KLF13: variants seen among roughly 807,000 people sequenced by gnomAD.
KLF13 encodes the protein KLF transcription factor 13.
A neutral mutation model predicts 16.7 loss-of-function variants in KLF13; 8 were observed. That is an observed-to-expected ratio of 0.48 (90% CI 0.28 to 0.87). The LOEUF (loss-of-function observed/expected upper bound fraction) is 0.87, where lower values mean the gene tolerates loss of function less well. Among genes scored for constraint, KLF13 ranks in the 40% least tolerant of loss-of-function variants. KLF13 has a pLI of 0.10. For synonymous variants in KLF13, 245 were observed against 208.4 expected (o/e 1.18, Z -1.51); for missense variants, 447 against 452.2 (o/e 0.99, Z 0.10).
chr15:31,380,611 C>T (rs895664605), downstream of KLF13, among the ~76,000 whole-genome samples: 2 of 152,274 alleles, frequency 1.3e-5, no homozygotes, highest in East Asian at 1.9e-4. Flanking sequence ...ACAGACTAGG[C>T]GATGTGTAGC....
intron 1 of KLF13, among the ~76,000 whole-genome samples, chr15:31,425,025 T>C (rs2040384511): frequency 6.6e-6 from 1 of 151,628 alleles, no homozygotes; most frequent in Middle Eastern, 3.2e-3. Flanking sequence ...TAGGAAAACA[T>C]CCCATTTACA....
intron 1 of KLF13, among the ~76,000 whole-genome samples, chr15:31,424,999 A>T (rs1439166977): frequency 6.6e-6 from 1 of 152,084 alleles, no homozygotes; most frequent in Non-Finnish European, 1.5e-5. Context: ...AACAATGAAC[A>T]ATTTAAAAAG....
chr15:31,404,738 G>C (rs1254188656), downstream of KLF13: 1 of 152,236 alleles, frequency 6.6e-6, no homozygotes, highest in East Asian at 1.9e-4. Flanking sequence ...TCACTCTTTG[G>C]GTCCGTGCCA....
chr15:31,329,518 C>T (rs1328345236), intron 1 of KLF13, among the ~76,000 whole-genome samples: 3 of 152,098 alleles, frequency 2.0e-5, no homozygotes, highest in African/African-American at 4.8e-5. Context: ...CCGTCGTGGG[C>T]GGGGCCGGCT....
Position 31,372,936 on chromosome 15 carries a change from TG to T in KLF13, c.*639del, listed in dbSNP as rs913716505. 6 of 152,354 alleles carry T rather than the reference TG, an allele frequency of 3.9e-5. No individual in the cohort carries two copies. The highest frequency in any genetic ancestry group is 3.9e-4 in the Admixed American group (6 of 15,296). The allele number at this position is 152,354 out of a possible 1,614,324, so 9.4% of individuals were successfully genotyped here. ...GAGGAGCACTCCACCTTGGGGATAGTGGAGGGGGCCTTCAGCCCTCTGCACC... is the reference window on the plus strand; with the variant it reads ...GAGGAGCACTCCACCTTGGGGATAGTGAGGGGGCCTTCAGCCCTCTGCACC... On this transcript the variant is annotated 3_prime_UTR_variant, in exon 2 of 2. Transcript: ENST00000307145.
At chr15:31,342,822 G>A (rs2039049819) in intron 1 of KLF13, among the ~76,000 whole-genome samples, 1 of 152,212 alleles carries the variant, frequency 6.6e-6, no homozygotes, top group African/African-American at 2.4e-5. Context: ...GCTGAGCTGG[G>A]CCTTCGCACC....
intron 2 of KLF13, among the ~76,000 whole-genome samples, chr15:31,401,256 T>C (rs2040032716): frequency 6.6e-6 from 1 of 152,194 alleles, no homozygotes; most frequent in Non-Finnish European, 1.5e-5. Flanking sequence ...CACCTCAGCC[T>C]CCCAAAGTGC....
At chr15:31,364,221 C>G (rs1031784391) in intron 1 of KLF13, among the ~76,000 whole-genome samples, 41 of 152,256 alleles carry the variant, frequency 2.7e-4, no homozygotes, top group African/African-American at 9.6e-4. Context: ...TATTCGAAAA[C>G]AAAGCAAAGC....
intron 1 of KLF13, among the ~76,000 whole-genome samples, chr15:31,360,764 G>A (rs987353968): frequency 1.3e-5 from 2 of 152,178 alleles, no homozygotes; most frequent in Admixed American, 6.5e-5. Context: ...TAGGCCCGTC[G>A]TCCAAATTAC....
upstream of KLF13, among the ~76,000 whole-genome samples, chr15:31,391,592 C>T (rs2039869995): frequency 6.6e-6 from 1 of 151,896 alleles, no homozygotes; most frequent in African/African-American, 2.4e-5. Flanking sequence ...TCTGGGATTG[C>T]CCCCCACCCC....
chr15:31,327,268 C>A lies in KLF13; in HGVS notation c.56C>A (p.Ser19Ter). The change falls in exon 1 of 2, where the codon TCG becomes TAG. Residue 19 changes from serine to a stop codon, truncating the protein, a stop_gained. Coordinates refer to ENST00000307145, the MANE Select transcript of KLF13 (RefSeq NM_015995.4). LOFTEE classifies it high-confidence loss of function. ...HFAAECLVSM[S>*]SRAVVHGPRE... ...GCCGCCGAGTGCCTCGTGTCCATGT[C>A]GAGCCGCGCGGTCGTGCACGGGCCG... is the stretch of plus-strand genomic sequence containing the variant. 7.3e-7 allele frequency: 1 copy of A among 1,371,768 alleles called. No individual in the cohort carries two copies. Among genetic ancestry groups the A allele is most frequent in the South Asian group, 1.5e-5 (1 of 65,412 alleles). The allele number at this position is 1,371,768 out of a possible 1,614,324, so 85.0% of individuals were successfully genotyped here. A position where few individuals can be genotyped will look rare whatever the true frequency, so the allele number is the denominator to read the frequency against.
intron 1 of KLF13, among the ~76,000 whole-genome samples, chr15:31,341,337 C>T (rs1434082309): frequency 1.3e-5 from 2 of 151,830 alleles, no homozygotes; most frequent in Non-Finnish European, 2.9e-5. Context: ...GGTGTGTGTG[C>T]GTGTGTGTTC....
intron 1 of KLF13, among the ~76,000 whole-genome samples, chr15:31,332,567 G>A (rs996370248): frequency 7.2e-5 from 11 of 152,198 alleles, no homozygotes; most frequent in East Asian, 1.9e-4. Context: ...CTGATAGGAC[G>A]CAGTTCATTA....
At chr15:31,432,941 C>T (rs1412199904) in intron 1 of KLF13, among the ~76,000 whole-genome samples, 1 of 152,096 alleles carries the variant, frequency 6.6e-6, no homozygotes, top group Non-Finnish European at 1.5e-5. Context: ...ATGGTGAAAC[C>T]CCATCTCTAC....
At chr15:31,431,640 AT>A (rs1438157719) in intron 1 of KLF13, among the ~76,000 whole-genome samples, 1 of 152,022 alleles carries the variant, frequency 6.6e-6, no homozygotes, top group Non-Finnish European at 1.5e-5. Flanking sequence ...AATTTTTTGT[AT>A]TTTTAGTAGA....
rs549459540 is a variant in KLF13, at chr15:31,339,278, G to T, written c.577+11489G>T. 2.6e-5 allele frequency among the ~76,000 whole-genome samples: 4 copies of T among 152,178 alleles called. No individual in the cohort carries two copies. The East Asian group carries it at 7.7e-4, about 29-fold the overall frequency. ...TTTTTTTTTTTAAATTAGCAAGAATGACTAAGATACCAAAATGTCTGACCT... is the reference window on the plus strand; with the variant it reads ...TTTTTTTTTTTAAATTAGCAAGAATTACTAAGATACCAAAATGTCTGACCT... On this transcript the variant is annotated intron_variant, in intron 1 of 1. Transcript: ENST00000307145.
intron 1 of KLF13, among the ~76,000 whole-genome samples, chr15:31,383,331 GC>G (rs1224883745): frequency 6.6e-6 from 1 of 152,198 alleles, no homozygotes; most frequent in East Asian, 1.9e-4. Context: ...TCCCACCGTG[GC>G]CCAGTGGACT....
chr15:31,339,289 CA>C (rs2038983300), intron 1 of KLF13, among the ~76,000 whole-genome samples: 1 of 151,890 alleles, frequency 6.6e-6, no homozygotes, highest in African/African-American at 2.4e-5. Flanking sequence ...ACTAAGATAC[CA>C]AAATGTCTGA....
At chr15:31,434,665 C>T (rs969509274) in intron 1 of KLF13, among the ~76,000 whole-genome samples, 3 of 152,180 alleles carry the variant, frequency 2.0e-5, no homozygotes, top group Non-Finnish European at 4.4e-5. Context: ...GAGCAGAAAT[C>T]AAAAACAGGT....
Sources: allele counts gnomAD v4.1 joint callset (sites outside exome capture counted in the v4.1 genomes callset), GRCh38; gene constraint gnomAD v4.1.1; transcripts MANE v1.5; gene names NCBI Gene and HGNC (gene_info 2026-07-23, HGNC 2026-07-21).